The following RPS6KC1 variants were observed in gnomAD, a reference collection of about 807,000 sequenced individuals.
The protein encoded by RPS6KC1 is ribosomal protein S6 kinase C1, also known as inactive ribosomal protein S6 kinase delta-1.
In RPS6KC1, 54 loss-of-function variants were observed where a neutral mutation model predicts 103.8. The observed-to-expected ratio is 0.52, with a 90% CI of 0.42 to 0.65. The LOEUF is 0.65. Among genes scored for constraint, RPS6KC1 ranks in the 30% least tolerant of loss-of-function variants. The pLI is 0.00. For missense variants in RPS6KC1, 1,151 were observed against 1,253.8 expected (o/e 0.92, Z 1.24); for synonymous variants, 439 against 438.7 (o/e 1.00, Z -0.01).
chr1:213,675,290 T>C, the RPS6KC1 span, among the ~76,000 whole-genome samples: 1 of 152,236 alleles, frequency 6.6e-6, no homozygotes, highest in Admixed American at 6.5e-5. Flanking sequence ...GTTATCATTC[T>C]GTCTCCTAGC....
the RPS6KC1 span, among the ~76,000 whole-genome samples, chr1:213,290,920 C>T: frequency 4.1e-3 from 618 of 152,310 alleles, 6 homozygotes; most frequent in African/African-American, 0.015. Flanking sequence ...CCCCCTCACC[C>T]TTCAGTAATC....
chr1:213,710,022 A>G, the RPS6KC1 span, among the ~76,000 whole-genome samples: 1 of 152,176 alleles, frequency 6.6e-6, no homozygotes, highest in African/African-American at 2.4e-5. Context: ...AGTTCTGTAG[A>G]TGTCTATTAG....
At chr1:213,237,962 T>G (rs1015481884) in intron 10 of RPS6KC1, among the ~76,000 whole-genome samples, 11 of 152,080 alleles carry the variant, frequency 7.2e-5, no homozygotes, top group Admixed American at 5.2e-4. Context: ...TCCTTATAGA[T>G]TCTTACTTAT....
At chr1:213,288,707 A>G in the RPS6KC1 span, among the ~76,000 whole-genome samples, 1 of 152,234 alleles carries the variant, frequency 6.6e-6, no homozygotes, top group South Asian at 2.1e-4. Flanking sequence ...GGGTGGTTGT[A>G]TAACAGGACT....
At chr1:213,571,162 C>T in the RPS6KC1 span, among the ~76,000 whole-genome samples, 13 of 152,108 alleles carry the variant, frequency 8.5e-5, no homozygotes, top group Non-Finnish European at 1.6e-4. Context: ...CCTTTTTCTT[C>T]CCTGTCTCTA....
chr1:213,388,066 C>T, the RPS6KC1 span, among the ~76,000 whole-genome samples: 1 of 152,254 alleles, frequency 6.6e-6, no homozygotes, highest in African/African-American at 2.4e-5. Flanking sequence ...ACTGCTGGCC[C>T]TCCTGGGCCC....
the RPS6KC1 span, among the ~76,000 whole-genome samples, chr1:213,795,476 T>C: frequency 1.3e-5 from 2 of 152,218 alleles, no homozygotes; most frequent in African/African-American, 4.8e-5. Context: ...CTCTATAGTA[T>C]GTGCTTGGGA....
downstream of RPS6KC1, among the ~76,000 whole-genome samples, chr1:213,278,495 T>C (rs2095116591): frequency 6.6e-6 from 1 of 152,200 alleles, no homozygotes; most frequent in Admixed American, 6.5e-5. Flanking sequence ...GAAGAAAATG[T>C]GTTAGATATT....
the RPS6KC1 span, among the ~76,000 whole-genome samples, chr1:213,403,098 A>G: frequency 3.9e-5 from 6 of 152,058 alleles, no homozygotes; most frequent in Admixed American, 3.9e-4. Flanking sequence ...ACTGCACTCC[A>G]GCCTGGGCGA....
At chr1:213,707,806 C>A in the RPS6KC1 span, among the ~76,000 whole-genome samples, 1 of 152,316 alleles carries the variant, frequency 6.6e-6, no homozygotes, top group East Asian at 1.9e-4. Context: ...GGAATCCTTT[C>A]CCCATTACTT....
chr1:213,396,749 G>A, the RPS6KC1 span, among the ~76,000 whole-genome samples: 2 of 152,192 alleles, frequency 1.3e-5, no homozygotes. Context: ...ACGCGTTTGT[G>A]GCGCTCCTGC....
chr1:213,494,783 G>T, the RPS6KC1 span, among the ~76,000 whole-genome samples: 1 of 151,488 alleles, frequency 6.6e-6, no homozygotes, highest in African/African-American at 2.4e-5. Context: ...AATTTTTTTT[G>T]AACTGAAGAA....
the RPS6KC1 span, among the ~76,000 whole-genome samples, chr1:213,419,521 G>A: frequency 6.6e-6 from 1 of 152,140 alleles, no homozygotes; most frequent in African/African-American, 2.4e-5. Context: ...TAAGTGACTG[G>A]CACAACTAGT....
chr1:213,226,545 G>A (rs2093967423), intron 8 of RPS6KC1, among the ~76,000 whole-genome samples: 1 of 152,144 alleles, frequency 6.6e-6, no homozygotes. Flanking sequence ...TTTCATTTTA[G>A]TGTTTTTCCT....
intron 3 of RPS6KC1, among the ~76,000 whole-genome samples, chr1:213,081,523 A>G (rs1449501904): frequency 6.6e-6 from 1 of 152,150 alleles, no homozygotes; most frequent in Non-Finnish European, 1.5e-5. Context: ...ATGGGGTCAG[A>G]CACACCATAT....
intron 8 of RPS6KC1, among the ~76,000 whole-genome samples, chr1:213,195,447 GT>G (rs1195060135): frequency 6.6e-6 from 1 of 151,946 alleles, no homozygotes; most frequent in African/African-American, 2.4e-5. Flanking sequence ...TTCGTAACGT[GT>G]TTATTGGTCT....
intron 6 of RPS6KC1, among the ~76,000 whole-genome samples, chr1:213,162,815 C>T (rs2090611114): frequency 2.0e-5 from 3 of 152,162 alleles, no homozygotes; most frequent in Non-Finnish European, 4.4e-5. Context: ...TGAGGCATTG[C>T]CTGGGCATCA....
chr1:213,295,386 G>A, the RPS6KC1 span, among the ~76,000 whole-genome samples: 24 of 152,238 alleles, frequency 1.6e-4, no homozygotes, highest in African/African-American at 5.1e-4. Context: ...TCTAAGATTG[G>A]GATGTCTTCT....
the RPS6KC1 span, among the ~76,000 whole-genome samples, chr1:213,525,771 T>A: frequency 6.6e-6 from 1 of 152,142 alleles, no homozygotes; most frequent in East Asian, 1.9e-4. Flanking sequence ...TGTCTGAGGA[T>A]GATAAGGACT....
Sources: allele counts gnomAD v4.1 joint callset (sites outside exome capture counted in the v4.1 genomes callset), GRCh38; gene constraint gnomAD v4.1.1; transcripts MANE v1.5; gene names NCBI Gene and HGNC (gene_info 2026-07-23, HGNC 2026-07-21).